ZNF609: variants seen among roughly 807,000 people sequenced by gnomAD.
ZNF609 encodes the protein zinc finger protein 609.
Under a neutral mutation model 109.5 loss-of-function variants are expected in ZNF609, and 11 were observed. That is an observed-to-expected ratio of 0.10 (90% CI 0.06 to 0.17). ZNF609 has a LOEUF of 0.17. Among genes scored for constraint, ZNF609 ranks in the 10% least tolerant of loss-of-function variants. The pLI, the probability that ZNF609 is intolerant of heterozygous loss-of-function variation, is 1.00. For synonymous variants in ZNF609, 646 were observed against 662.0 expected, an observed-to-expected ratio of 0.98 and a Z score of 0.37; for missense variants, 1,559 against 1,772.4, an observed-to-expected ratio of 0.88 and a Z score of 2.16.
chr15:64,460,199 G>A (rs921385636), upstream of ZNF609, among the ~76,000 whole-genome samples: 6 of 151,920 alleles, frequency 3.9e-5, no homozygotes, highest in Admixed American at 3.9e-4. Context: ...TTTCCTCTCT[G>A]TGGTTGAAGG....
intron 4 of ZNF609, chr15:64,671,238 T>TAA (rs1243063850): frequency 6.8e-6 from 1 of 147,580 alleles, no homozygotes; most frequent in South Asian, 2.1e-4. Context: ...AAAAATTAAT[T>TAA]AAAAAAAAAT....
intron 2 of ZNF609, among the ~76,000 whole-genome samples, chr15:64,563,853 T>A (rs1894730479): frequency 6.6e-6 from 1 of 152,092 alleles, no homozygotes; most frequent in Non-Finnish European, 1.5e-5. Context: ...CCCAAAGTGG[T>A]GGGATTACAG....
At chr15:64,467,297 G>A (rs1893028900) in intron 1 of ZNF609, among the ~76,000 whole-genome samples, 1 of 152,022 alleles carries the variant, frequency 6.6e-6, no homozygotes, top group Non-Finnish European at 1.5e-5. Flanking sequence ...CTTCTTTGGG[G>A]TTTTTTTCTT....
intron 3 of ZNF609, among the ~76,000 whole-genome samples, chr15:64,667,576 G>T (rs1386264334): frequency 2.6e-5 from 4 of 152,062 alleles, no homozygotes; most frequent in Non-Finnish European, 5.9e-5. Context: ...GCCCGGGCAT[G>T]GTGGCACCTG....
At chr15:64,593,330 G>A (rs1245322027) in intron 2 of ZNF609, 5 of 1,325,082 alleles carry the variant, frequency 3.8e-6, no homozygotes, top group African/African-American at 2.9e-5. Flanking sequence ...CATGTAAGGA[G>A]GTGAGTTCTT....
chr15:64,544,875 C>T (rs1433953361), intron 2 of ZNF609, among the ~76,000 whole-genome samples: 1 of 152,190 alleles, frequency 6.6e-6, no homozygotes, highest in Non-Finnish European at 1.5e-5. Flanking sequence ...GCTTTCTCCT[C>T]TGCTGTCAGA....
chr15:64,630,490 T>G (rs565065024), intron 3 of ZNF609, among the ~76,000 whole-genome samples: 1 of 152,194 alleles, frequency 6.6e-6, no homozygotes, highest in Non-Finnish European at 1.5e-5. Context: ...ATTTAACTTT[T>G]CACAGTTTAC....
chr15:64,588,338 G>A (rs1234655505), intron 2 of ZNF609, among the ~76,000 whole-genome samples: 1 of 146,492 alleles, frequency 6.8e-6, no homozygotes, highest in African/African-American at 2.5e-5. Context: ...TGAGGCAGGA[G>A]AATGGCATGA....
intron 2 of ZNF609, among the ~76,000 whole-genome samples, chr15:64,555,749 G>A (rs1172642985): frequency 6.6e-6 from 1 of 151,740 alleles, no homozygotes; most frequent in Admixed American, 6.6e-5. Context: ...GGGCATGGTG[G>A]TGTGTGCCTG....
At chr15:64,617,422 G>A (rs1486950488) in intron 2 of ZNF609, among the ~76,000 whole-genome samples, 1 of 151,832 alleles carries the variant, frequency 6.6e-6, no homozygotes, top group Non-Finnish European at 1.5e-5. Context: ...AGCCAGAGAG[G>A]TTGAGGCTGC....
At chr15:64,582,481 C>CT (rs1567020897) in intron 2 of ZNF609, among the ~76,000 whole-genome samples, 1 of 152,166 alleles carries the variant, frequency 6.6e-6, no homozygotes, top group South Asian at 2.1e-4. Context: ...GCATTACACT[C>CT]TTTTTCAAGT....
chr15:64,619,579 G>T (rs1895848351), intron 2 of ZNF609, among the ~76,000 whole-genome samples: 1 of 152,188 alleles, frequency 6.6e-6, no homozygotes, highest in South Asian at 2.1e-4. Flanking sequence ...CCCATAGGTG[G>T]ATTTCGTCGC....
At chr15:64,676,743 T>G (rs1466479466) in intron 5 of ZNF609, among the ~76,000 whole-genome samples, 2 of 151,482 alleles carry the variant, frequency 1.3e-5, no homozygotes, top group African/African-American at 2.4e-5. Flanking sequence ...CAATTTTTAT[T>G]TTATTTTATT....
At chr15:64,585,824 T>C (rs923507523) in intron 2 of ZNF609, among the ~76,000 whole-genome samples, 1 of 152,174 alleles carries the variant, frequency 6.6e-6, no homozygotes, top group Non-Finnish European at 1.5e-5. Flanking sequence ...TTCTGAAATA[T>C]ATTTTTTACT....
chr15:64,594,408 C>T (rs1895355568), intron 2 of ZNF609, among the ~76,000 whole-genome samples: 1 of 151,744 alleles, frequency 6.6e-6, no homozygotes, highest in South Asian at 2.1e-4. Flanking sequence ...TCTCAGCTCA[C>T]TGCAACCTCC....
chr15:64,574,220 T>A (rs898469164), intron 2 of ZNF609, among the ~76,000 whole-genome samples: 11 of 148,022 alleles, frequency 7.4e-5, no homozygotes, highest in African/African-American at 2.9e-4. Context: ...CATTTGAGAA[T>A]TTACTTTCTC....
At chr15:64,480,222 G>C (rs906098782) in intron 1 of ZNF609, among the ~76,000 whole-genome samples, 3 of 149,260 alleles carry the variant, frequency 2.0e-5, no homozygotes, top group African/African-American at 5.0e-5. Context: ...CTGGGCAACA[G>C]AGCAAGACTC....
intron 2 of ZNF609, among the ~76,000 whole-genome samples, chr15:64,582,820 C>T (rs1449779689): frequency 8.0e-6 from 1 of 125,676 alleles, no homozygotes; most frequent in African/African-American, 2.9e-5. Context: ...GGCGTAATCT[C>T]GGGTCACTGC....
chr15:64,613,899 G>A (rs1895756355), intron 2 of ZNF609, among the ~76,000 whole-genome samples: 1 of 151,578 alleles, frequency 6.6e-6, no homozygotes, highest in African/African-American at 2.4e-5. Flanking sequence ...TCAACAGAAA[G>A]TGGTTCAAAT....
Sources: gnomAD v4.1 joint callset for allele counts (sites outside exome capture counted in the v4.1 genomes callset) on GRCh38, gnomAD v4.1.1 for gene constraint, MANE v1.5 for transcripts, NCBI Gene and HGNC (gene_info 2026-07-23, HGNC 2026-07-21) for gene names.